RCAN1: variants seen among roughly 807,000 people sequenced by gnomAD.
RCAN1 encodes regulator of calcineurin 1.
A neutral mutation model predicts 22.9 loss-of-function variants in RCAN1; 11 were observed. The ratio of observed to expected loss-of-function variants is 0.48; its 90% CI spans 0.30 to 0.79. The LOEUF (loss-of-function observed/expected upper bound fraction) is 0.79, where lower values mean the gene tolerates loss of function less well. Ranked by LOEUF, RCAN1 falls within the 30% of genes least tolerant of loss-of-function variation. RCAN1 has a pLI of 0.06. For missense variants in RCAN1, 291 were observed against 337.8 expected, an observed-to-expected ratio of 0.86 and a Z score of 1.09; for synonymous variants, 136 against 142.3, an observed-to-expected ratio of 0.96 and a Z score of 0.32.
chr21:34,524,980 T>C (rs1984915347), intron 1 of RCAN1: 1 of 1,492,916 alleles, frequency 6.7e-7, no homozygotes, highest in Admixed American at 2.2e-5. Flanking sequence ...CAAAAACACT[T>C]AGGACAGTTT....
At chr21:34,555,412 T>C (rs1986519713) in intron 1 of RCAN1, among the ~76,000 whole-genome samples, 1 of 152,010 alleles carries the variant, frequency 6.6e-6, no homozygotes, top group South Asian at 2.1e-4. Flanking sequence ...TGGGATATGT[T>C]TAAAATGATC....
intron 1 of RCAN1, among the ~76,000 whole-genome samples, chr21:34,543,188 C>A (rs754370836): frequency 6.6e-6 from 1 of 152,236 alleles, no homozygotes; most frequent in African/African-American, 2.4e-5. Flanking sequence ...CCTCCCTAGT[C>A]CCTGGAGCTT....
rs536246662 is a variant in RCAN1 at position 34,564,392 on chromosome 21, G to A, written c.253-40682C>T. On this transcript the variant is annotated intron_variant, in intron 1 of 3. Coordinates refer to ENST00000313806, the MANE Select transcript of RCAN1 (RefSeq NM_004414.7). ...GCCAGATCCATTGGTGGAGGAACCC[G>A]GACACTGTCCCATAAGAACTGTGAG... 6.6e-5 allele frequency among the ~76,000 whole-genome samples: 10 copies of A among 152,262 alleles called. No individual in the cohort carries two copies. The East Asian group carries it at 1.2e-3, about 18-fold the overall frequency.
chr21:34,549,344 T>C (rs535386418), intron 1 of RCAN1, among the ~76,000 whole-genome samples: 71 of 152,300 alleles, frequency 4.7e-4, no homozygotes, highest in African/African-American at 1.7e-3. Flanking sequence ...ACCTATGCCC[T>C]TGTATAATTA....
chr21:34,518,000 C>G lies in RCAN1; in HGVS notation c.*84G>C, dbSNP rs982907409. 1.0e-5 allele frequency: 16 copies of G among 1,543,854 alleles called. No individual in the cohort carries two copies. In the African/African-American group the frequency reaches 2.2e-4, roughly 21 times the overall value. On this transcript the variant is annotated 3_prime_UTR_variant, in exon 4 of 4. Transcript: ENST00000313806. ...CCACCCCGATCTCGGCTGCCACCTC[C>G]GAAGAAGTCGTGACCAGCCACCTCC...
At chr21:34,579,116 C>T (rs939513365) in intron 1 of RCAN1, among the ~76,000 whole-genome samples, 2 of 152,128 alleles carry the variant, frequency 1.3e-5, no homozygotes, top group South Asian at 2.1e-4. Flanking sequence ...ATGTTATGGC[C>T]GGGCGCGGTG....
intron 1 of RCAN1, among the ~76,000 whole-genome samples, chr21:34,577,485 G>C (rs538905762): frequency 2.6e-5 from 4 of 152,154 alleles, no homozygotes; most frequent in Admixed American, 6.5e-5. Flanking sequence ...TGTAGTCCCA[G>C]CTACTTGGGA....
At chr21:34,539,214 T>C (rs1468736267) in intron 1 of RCAN1, among the ~76,000 whole-genome samples, 1 of 152,210 alleles carries the variant, frequency 6.6e-6, no homozygotes, top group East Asian at 1.9e-4. Flanking sequence ...TAGATGCAAA[T>C]ATGTTCCTGC....
intron 1 of RCAN1, among the ~76,000 whole-genome samples, chr21:34,527,130 A>G (rs530428486): frequency 9.8e-4 from 149 of 152,338 alleles, no homozygotes; most frequent in South Asian, 2.9e-3. Context: ...TAGTAATTCC[A>G]TTCAGCTACT....
At chr21:34,564,890 T>C (rs1454242848) in intron 1 of RCAN1, among the ~76,000 whole-genome samples, 1 of 152,140 alleles carries the variant, frequency 6.6e-6, no homozygotes, top group African/African-American at 2.4e-5. Context: ...AAAACTTGTA[T>C]GACTGTTGGA....
intron 1 of RCAN1, among the ~76,000 whole-genome samples, chr21:34,549,554 G>T (rs190306977): frequency 6.6e-6 from 1 of 152,096 alleles, no homozygotes; most frequent in Non-Finnish European, 1.5e-5. Context: ...AGCCAGAGTG[G>T]TGCTGGTGAC....
At chr21:34,613,824 G>A in intron 1 of RCAN1, 1 of 1,486,670 alleles carries the variant, frequency 6.7e-7, no homozygotes, top group Non-Finnish European at 9.1e-7. Flanking sequence ...TGTATTGGCA[G>A]CAGCCTTCAA....
chr21:34,534,147 G>A (rs1036030671), intron 1 of RCAN1, among the ~76,000 whole-genome samples: 1 of 152,102 alleles, frequency 6.6e-6, no homozygotes. Flanking sequence ...GCGAAGGGGC[G>A]AGGGGGAAGC....
At chr21:34,562,077 T>C (rs1193684808) in intron 1 of RCAN1, among the ~76,000 whole-genome samples, 1 of 152,216 alleles carries the variant, frequency 6.6e-6, no homozygotes, top group Non-Finnish European at 1.5e-5. Flanking sequence ...CCCCATACTT[T>C]CTGTGAGGTC....
intron 1 of RCAN1, among the ~76,000 whole-genome samples, chr21:34,583,991 T>C (rs1213388145): frequency 2.6e-5 from 4 of 152,190 alleles, no homozygotes; most frequent in African/African-American, 9.7e-5. Flanking sequence ...TGAGTTTCTG[T>C]TTACTCCCAA....
intron 1 of RCAN1, among the ~76,000 whole-genome samples, chr21:34,548,415 A>C (rs1568901152): frequency 6.6e-6 from 1 of 152,210 alleles, no homozygotes; most frequent in Non-Finnish European, 1.5e-5. Flanking sequence ...TAATAAAATG[A>C]CATGTCTGAT....
chr21:34,582,664 C>A (rs894990303), intron 1 of RCAN1, among the ~76,000 whole-genome samples: 1 of 152,078 alleles, frequency 6.6e-6, no homozygotes, highest in African/African-American at 2.4e-5. Context: ...ATCTGGAGCC[C>A]GCGCTAAATG....
intron 1 of RCAN1, among the ~76,000 whole-genome samples, chr21:34,570,010 T>C (rs957954576): frequency 1.3e-5 from 2 of 152,240 alleles, no homozygotes; most frequent in African/African-American, 4.8e-5. Context: ...GCCCATGGCT[T>C]CTTCTGGAAG....
chr21:34,587,402 A>C (rs76242735), intron 1 of RCAN1, among the ~76,000 whole-genome samples: 1 of 152,202 alleles, frequency 6.6e-6, no homozygotes, highest in Non-Finnish European at 1.5e-5. Flanking sequence ...TCAATACAGG[A>C]AACAAAAGGA....
Sources: allele counts gnomAD v4.1 joint callset (sites outside exome capture counted in the v4.1 genomes callset), GRCh38; gene constraint gnomAD v4.1.1; transcripts MANE v1.5; gene names NCBI Gene and HGNC (gene_info 2026-07-23, HGNC 2026-07-21).